The following GALNT13 variants were observed in gnomAD, a reference collection of about 807,000 sequenced individuals.
GALNT13 encodes the protein UDP-GalNAc:polypeptide N-acetylgalactosaminyltransferase 13.
In GALNT13, 28 loss-of-function variants were observed where a neutral mutation model predicts 64.2. The ratio of observed to expected loss-of-function variants is 0.44; its 90% confidence interval spans 0.32 to 0.60. The LOEUF (loss-of-function observed/expected upper bound fraction) is 0.60, where lower values mean the gene tolerates loss of function less well. Ranked by LOEUF, GALNT13 falls within the 20% of genes least tolerant of loss-of-function variation. The probability of loss-of-function intolerance (pLI) is 0.05; values close to 1 mark genes in which losing one functional copy is unlikely to be tolerated. For missense variants in GALNT13, 577 were observed against 669.8 expected (o/e 0.86, Z 1.53); for synonymous variants, 214 against 224.6 (o/e 0.95, Z 0.42).
intron 11 of GALNT13, among the ~76,000 whole-genome samples, chr2:154,434,885 A>C (rs1303026340): frequency 6.6e-6 from 1 of 152,232 alleles, no homozygotes; most frequent in East Asian, 1.9e-4. Flanking sequence ...GCACAATAGA[A>C]GAATAGAGCA....
chr2:153,944,417 TGGA>T lies in GALNT13; in HGVS notation c.-79_-77del. 1 of 1,279,684 alleles carries T rather than the reference TGGA, an allele frequency of 7.8e-7. No homozygotes were observed. The highest frequency in any genetic ancestry group is 1.1e-6 in the Non-Finnish European group (1 of 909,290). 79.3% of individuals were successfully genotyped at this position (1,279,684 alleles called of 1,614,324 possible). On this transcript the variant is annotated 5_prime_UTR_variant, in exon 3 of 13. Transcript: ENST00000392825. ...AGTGGAATGTATCCTGCTTTCATCT[TGGA>T]GTTCACCTGTGTGGCTTGGATTTAT...
the GALNT13 span, among the ~76,000 whole-genome samples, chr2:153,443,074 G>A: frequency 6.6e-6 from 1 of 152,126 alleles, no homozygotes; most frequent in East Asian, 1.9e-4. Flanking sequence ...TCTCGCTGGA[G>A]TTCCAGGCAC....
At chr2:154,429,638 T>A (rs925672456) in intron 11 of GALNT13, among the ~76,000 whole-genome samples, 2 of 152,206 alleles carry the variant, frequency 1.3e-5, no homozygotes, top group African/African-American at 4.8e-5. Flanking sequence ...AGATCATTGA[T>A]AAATGTGAAT....
the GALNT13 span, among the ~76,000 whole-genome samples, chr2:153,619,945 G>T: frequency 2.6e-5 from 4 of 151,930 alleles, no homozygotes; most frequent in Admixed American, 2.6e-4. Context: ...GGTTAAATCT[G>T]CTTGGTGTTC....
At chr2:153,769,548 A>G in the GALNT13 span, among the ~76,000 whole-genome samples, 52 of 152,118 alleles carry the variant, frequency 3.4e-4, no homozygotes, top group African/African-American at 1.1e-3. Context: ...TTTGATTATC[A>G]TATGCCTTGG....
chr2:153,550,639 A>C, the GALNT13 span, among the ~76,000 whole-genome samples: 1 of 152,206 alleles, frequency 6.6e-6, no homozygotes, highest in Non-Finnish European at 1.5e-5. Flanking sequence ...AACAACAGTC[A>C]CATCTTGAGT....
intron 4 of GALNT13, among the ~76,000 whole-genome samples, chr2:154,175,033 A>G (rs895318124): frequency 3.3e-5 from 5 of 152,180 alleles, no homozygotes; most frequent in Admixed American, 6.5e-5. Flanking sequence ...AATAACTAGT[A>G]TATTTTTCTT....
the GALNT13 span, among the ~76,000 whole-genome samples, chr2:153,294,300 C>G: frequency 6.6e-6 from 1 of 152,062 alleles, no homozygotes; most frequent in Non-Finnish European, 1.5e-5. Context: ...CACCTTGCTT[C>G]CTTCAAGTTT....
At chr2:154,269,652 T>C (rs558480391) in intron 8 of GALNT13, among the ~76,000 whole-genome samples, 46 of 151,796 alleles carry the variant, frequency 3.0e-4, no homozygotes, top group African/African-American at 9.9e-4. Flanking sequence ...TCAGCAAATG[T>C]TTCTCTTGTT....
chr2:153,235,080 G>A, the GALNT13 span, among the ~76,000 whole-genome samples: 1 of 152,108 alleles, frequency 6.6e-6, no homozygotes, highest in African/African-American at 2.4e-5. Context: ...GACTCATGTA[G>A]TATGGGAAAC....
At chr2:153,532,303 G>T in the GALNT13 span, among the ~76,000 whole-genome samples, 3 of 152,094 alleles carry the variant, frequency 2.0e-5, no homozygotes, top group African/African-American at 7.2e-5. Flanking sequence ...GAAGGCAGCA[G>T]CCCAAGTTTT....
chr2:154,279,360 G>T (rs1691833020), intron 8 of GALNT13, among the ~76,000 whole-genome samples: 1 of 152,062 alleles, frequency 6.6e-6, no homozygotes, highest in South Asian at 2.1e-4. Context: ...TTCCTAAAAT[G>T]GAAAGAAGAA....
the GALNT13 span, among the ~76,000 whole-genome samples, chr2:153,366,950 C>T: frequency 6.6e-6 from 1 of 151,198 alleles, no homozygotes; most frequent in Admixed American, 6.6e-5. Context: ...AAAACAAACC[C>T]CTACCAAACC....
At chr2:153,952,536 A>G (rs1048964586) in intron 3 of GALNT13, among the ~76,000 whole-genome samples, 1 of 152,158 alleles carries the variant, frequency 6.6e-6, no homozygotes, top group Non-Finnish European at 1.5e-5. Context: ...AGAAGACACA[A>G]TGGGAAAGGA....
At chr2:153,131,078 G>A in the GALNT13 span, among the ~76,000 whole-genome samples, 1 of 152,116 alleles carries the variant, frequency 6.6e-6, no homozygotes, top group Non-Finnish European at 1.5e-5. Context: ...TATGGTACAG[G>A]TATTCTATAA....
At chr2:153,433,145 C>T in the GALNT13 span, among the ~76,000 whole-genome samples, 1 of 151,902 alleles carries the variant, frequency 6.6e-6, no homozygotes, top group East Asian at 1.9e-4. Flanking sequence ...AATGAAGAGA[C>T]TATTTATTCT....
At chr2:153,413,841 T>A in the GALNT13 span, among the ~76,000 whole-genome samples, 11,988 of 152,246 alleles carry the variant, frequency 0.079, 533 homozygotes, top group Middle Eastern at 0.15. Flanking sequence ...AGTATAGACA[T>A]TTTTTAGAAT....
chr2:153,730,386 A>T, the GALNT13 span, among the ~76,000 whole-genome samples: 1 of 151,892 alleles, frequency 6.6e-6, no homozygotes, highest in Admixed American at 6.6e-5. Context: ...GAAAAATTGG[A>T]TAGCTATAAG....
At chr2:154,095,759 A>T (rs996835242) in intron 3 of GALNT13, among the ~76,000 whole-genome samples, 2 of 151,996 alleles carry the variant, frequency 1.3e-5, no homozygotes, top group African/African-American at 4.8e-5. Context: ...TAATTCACAC[A>T]TTTTAAAATA....
Sources: gnomAD v4.1 joint callset for allele counts (sites outside exome capture counted in the v4.1 genomes callset) on GRCh38, gnomAD v4.1.1 for gene constraint, MANE v1.5 for transcripts, NCBI Gene and HGNC (gene_info 2026-07-23, HGNC 2026-07-21) for gene names.